Variants in RGS6 observed in about 807,000 individuals in gnomAD.
RGS6 encodes regulator of G-protein signaling 6.
RGS6 carries 30 observed loss-of-function variants against 78.5 expected under a neutral mutation model. The ratio of observed to expected loss-of-function variants is 0.38; its 90% confidence interval spans 0.29 to 0.52. The LOEUF (loss-of-function observed/expected upper bound fraction) is 0.52, where lower values mean the gene tolerates loss of function less well. Ranked by LOEUF, RGS6 falls within the 20% of genes least tolerant of loss-of-function variation. The pLI is 0.85. For synonymous variants in RGS6, 206 were observed against 206.0 expected (o/e 1.00, Z 0.00); for missense variants, 495 against 609.7 (o/e 0.81, Z 1.98).
chr14:72,090,338 A>T (rs2095225085), intron 2 of RGS6, among the ~76,000 whole-genome samples: 1 of 152,138 alleles, frequency 6.6e-6, no homozygotes, highest in Admixed American at 6.5e-5. Context: ...GCCGGAGGTG[A>T]GCAGCAGTTG....
chr14:72,441,101 A>G (rs533996276), intron 3 of RGS6, among the ~76,000 whole-genome samples: 1 of 152,242 alleles, frequency 6.6e-6, no homozygotes, highest in South Asian at 2.1e-4. Context: ...CAGCTTCTGT[A>G]TTAATAAGAG....
intron 3 of RGS6, among the ~76,000 whole-genome samples, chr14:72,375,698 C>T (rs1055518295): frequency 5.3e-5 from 8 of 152,186 alleles, no homozygotes; most frequent in African/African-American, 1.7e-4. Context: ...GGAAAAGTTG[C>T]ACCGCTACCA....
chr14:72,099,059 TG>T (rs1402808329), intron 2 of RGS6, among the ~76,000 whole-genome samples: 6 of 152,246 alleles, frequency 3.9e-5, no homozygotes, highest in Non-Finnish European at 8.8e-5. Flanking sequence ...CTGTTTGTAT[TG>T]AGTATTTACT....
At chr14:72,619,481 AC>A in the RGS6 span, 1 of 1,212,218 alleles carries the variant, frequency 8.2e-7, no homozygotes, top group Non-Finnish European at 1.2e-6. Flanking sequence ...CAATGCAGAA[AC>A]CAAGTCCCAG....
At chr14:72,283,101 A>G (rs1001355136) in intron 2 of RGS6, among the ~76,000 whole-genome samples, 3 of 152,174 alleles carry the variant, frequency 2.0e-5, no homozygotes, top group Non-Finnish European at 4.4e-5. Flanking sequence ...CACGTATTTC[A>G]GAATTTCCTT....
rs574073184 is a variant in RGS6 at position 72,250,458 on chromosome 14, A to G, written c.85-101637A>G. On this transcript the variant is annotated intron_variant, in intron 2 of 17. Transcript: ENST00000553525. ...ATTGAGAAGTTTCTCAAAAAAAGAA[A>G]AAAGAAGTCCATTTAGTCTGGTATA... 2.0e-5 allele frequency among the ~76,000 whole-genome samples: 3 copies of G among 152,110 alleles called. No homozygotes were observed. In the South Asian group the frequency reaches 6.2e-4, roughly 32 times the overall value.
At chr14:72,175,703 G>A (rs1236188493) in intron 2 of RGS6, among the ~76,000 whole-genome samples, 1 of 152,232 alleles carries the variant, frequency 6.6e-6, no homozygotes, top group East Asian at 1.9e-4. Flanking sequence ...GGTTCCTCAA[G>A]GGTGGGGACT....
At chr14:72,255,412 T>A (rs2056861087) in intron 2 of RGS6, among the ~76,000 whole-genome samples, 1 of 152,154 alleles carries the variant, frequency 6.6e-6, no homozygotes, top group Admixed American at 6.5e-5. Flanking sequence ...AAAAATATAT[T>A]ACAACTAGGA....
At position 72,019,004 on chromosome 14, in the gene RGS6, A is replaced by T. The variant is rs138177958; in HGVS notation, c.84+54129A>T. Among the ~76,000 whole-genome samples the T allele has an allele frequency of 4.5e-3, 681 of 152,262 alleles. 4 individuals are homozygous for T. The highest frequency in any genetic ancestry group is 0.014 in the Middle Eastern group (4 of 292). ...AAATGAGAGGCTGCCCTCTAAATGAAATTTCAATATTGAAAAGATAAAACC... is the reference window on the plus strand; with the variant it reads ...AAATGAGAGGCTGCCCTCTAAATGATATTTCAATATTGAAAAGATAAAACC... On this transcript the variant is annotated intron_variant, in intron 2 of 17. Transcript: ENST00000553525.
intron 17 of RGS6, chr14:72,540,944 T>C: frequency 3.0e-6 from 3 of 985,436 alleles, no homozygotes; most frequent in Non-Finnish European, 3.6e-6. Flanking sequence ...GGTGCATGGC[T>C]GAGACTCTCT....
At chr14:72,388,862 G>A (rs2089122329) in intron 3 of RGS6, among the ~76,000 whole-genome samples, 1 of 152,174 alleles carries the variant, frequency 6.6e-6, no homozygotes, top group Admixed American at 6.5e-5. Context: ...TCATGTGGCT[G>A]TTGGGAGGAT....
chr14:72,475,830 G>GCA (rs1555424335), intron 10 of RGS6, among the ~76,000 whole-genome samples: 2,992 of 145,620 alleles, frequency 0.021, 84 homozygotes, highest in African/African-American at 0.065. Context: ...AAAAATACAC[G>GCA]CACACACACA....
At chr14:72,365,661 C>G (rs1022446817) in intron 3 of RGS6, among the ~76,000 whole-genome samples, 2 of 152,196 alleles carry the variant, frequency 1.3e-5, no homozygotes, top group Non-Finnish European at 2.9e-5. Flanking sequence ...CTTTTCTCAT[C>G]AAATGTTTCT....
At chr14:72,577,616 G>A in the RGS6 span, among the ~76,000 whole-genome samples, 291 of 152,320 alleles carry the variant, frequency 1.9e-3, 2 homozygotes, top group African/African-American at 6.0e-3. Context: ...GTCCATGTAC[G>A]TAATGAAAAT....
At chr14:71,990,341 C>T (rs140293170) in intron 2 of RGS6, among the ~76,000 whole-genome samples, 6 of 152,302 alleles carry the variant, frequency 3.9e-5, no homozygotes, top group African/African-American at 1.4e-4. Flanking sequence ...AGCAGATCCC[C>T]ATTCGTGGTT....
chr14:72,107,689 G>A (rs2095662520), intron 2 of RGS6, among the ~76,000 whole-genome samples: 1 of 152,030 alleles, frequency 6.6e-6, no homozygotes, highest in Non-Finnish European at 1.5e-5. Context: ...TACCTCATGA[G>A]TTTATACTGA....
chr14:72,097,592 C>T (rs1307021508), intron 2 of RGS6, among the ~76,000 whole-genome samples: 1 of 152,092 alleles, frequency 6.6e-6, no homozygotes, highest in Non-Finnish European at 1.5e-5. Context: ...GAGAAGGGGG[C>T]GGGTGTCTTT....
intron 5 of RGS6, 90 bp from the exon 6 acceptor site, chr14:72,459,542 G>A: frequency 8.4e-7 from 1 of 1,196,514 alleles, no homozygotes; most frequent in South Asian, 1.2e-5. Context: ...ATGGGGGAGA[G>A]CCTGCCATCA....
chr14:71,981,925 A>C (rs1367812968), intron 2 of RGS6, among the ~76,000 whole-genome samples: 1 of 150,762 alleles, frequency 6.6e-6, no homozygotes. Context: ...CTGCTGTGCT[A>C]GCCATCAGCG....
Sources: allele counts gnomAD v4.1 joint callset (sites outside exome capture counted in the v4.1 genomes callset), GRCh38; gene constraint gnomAD v4.1.1; transcripts MANE v1.5; gene names NCBI Gene and HGNC (gene_info 2026-07-23, HGNC 2026-07-21).